The following DNAI4 variants were observed in gnomAD, a reference collection of about 807,000 sequenced individuals.
The protein encoded by DNAI4 is dynein axonemal intermediate chain 4.
In DNAI4, 85 loss-of-function variants were observed where a neutral mutation model predicts 105.8. The observed-to-expected ratio is 0.80, with a 90% confidence interval of 0.67 to 0.96. The LOEUF (loss-of-function observed/expected upper bound fraction) is 0.96. DNAI4 is among the 40% of genes least tolerant of loss of function. The pLI is 0.00. For synonymous variants in DNAI4, 352 were observed against 331.5 expected (o/e 1.06, Z -0.67); for missense variants, 1,014 against 1,005.6 (o/e 1.01, Z -0.11).
intron 7 of DNAI4, among the ~76,000 whole-genome samples, chr1:66,856,659 A>G (rs1256858860): frequency 2.0e-5 from 3 of 152,084 alleles, no homozygotes; most frequent in South Asian, 2.1e-4. Context: ...AAGGAATTAA[A>G]TTAGAATTAA....
chr1:66,856,979 G>GAAATCAATGACATCAA (rs1553218434), intron 7 of DNAI4, among the ~76,000 whole-genome samples: 2 of 151,846 alleles, frequency 1.3e-5, no homozygotes, highest in East Asian at 3.9e-4. Flanking sequence ...AGAAAAGTTT[G>GAAATCAATGACATCAA]AAATCAATGA....
Position 66,840,540 on chromosome 1 carries a change from G to A in DNAI4, c.1423C>T (p.Leu475Phe). The change falls in exon 9 of 17, where the codon CTT becomes TTT. Residue 475 changes from leucine to phenylalanine, a missense_variant. Leu to Phe is a conservative substitution (Grantham distance 22). Coordinates refer to ENST00000371026, the MANE Select transcript of DNAI4 (RefSeq NM_024763.5). ...ESTIPANLER[L>F]WSFSCDLTKG... ...GTTAAGTCACAGGAAAAAGACCAAA[G>A]TCGTTCCAAGTTGGCGGGTATTGTT... is the stretch of plus-strand genomic sequence containing the variant. The A allele has an allele frequency of 6.2e-7, 1 of 1,614,214 alleles. No homozygotes were observed. Among genetic ancestry groups the A allele is most frequent in the Admixed American group, 1.7e-5 (1 of 60,026 alleles).
At chr1:66,913,950 C>T (rs1649865790) in intron 1 of DNAI4, among the ~76,000 whole-genome samples, 1 of 149,664 alleles carries the variant, frequency 6.7e-6, no homozygotes, top group Admixed American at 6.7e-5. Flanking sequence ...CGCCACTGCA[C>T]TCCAGCCTGG....
chr1:66,824,506 G>T (rs1645707156), intron 15 of DNAI4, among the ~76,000 whole-genome samples: 1 of 151,946 alleles, frequency 6.6e-6, no homozygotes, highest in African/African-American at 2.4e-5. Flanking sequence ...GGGCAGTATG[G>T]CCATTTTCTC....
intron 9 of DNAI4, among the ~76,000 whole-genome samples, chr1:66,838,646 A>G (rs1247578903): frequency 6.6e-6 from 1 of 152,218 alleles, no homozygotes; most frequent in Non-Finnish European, 1.5e-5. Flanking sequence ...TAATTTTAGA[A>G]TATTATATTT....
intron 4 of DNAI4, among the ~76,000 whole-genome samples, chr1:66,886,689 T>C (rs985494909): frequency 6.6e-6 from 1 of 152,162 alleles, no homozygotes; most frequent in Non-Finnish European, 1.5e-5. Context: ...ACAATCTGAT[T>C]GAGTCTCAGA....
chr1:66,893,105 G>GAA (rs748703559), intron 3 of DNAI4, 124 bp downstream of exon 3: 12 of 466,646 alleles, frequency 2.6e-5, no homozygotes, highest in Admixed American at 3.9e-5. Flanking sequence ...AAGAAAGAAA[G>GAA]AAAGAAAGAA....
rs1434271487 is a variant in DNAI4 at position 66,893,330 on chromosome 1, T to G, written c.429A>C (p.Lys143Asn). The G allele has an allele frequency of 6.2e-7, 1 of 1,610,114 alleles. No individual in the cohort carries two copies. Among genetic ancestry groups the G allele is most frequent in the South Asian group, 1.1e-5 (1 of 90,510 alleles). ...DPLTGTAKPS[K>N]LLTSQEGSLG... Reference sequence around the variant, plus strand: ...GTGATCCTTCTTGTGATGTCAAGAGTTTACTTGGTTTTGCTGTACCAGTAA... The same window carrying G: ...GTGATCCTTCTTGTGATGTCAAGAGGTTACTTGGTTTTGCTGTACCAGTAA... The change falls in exon 3 of 17, where the codon AAA becomes AAC. Residue 143 changes from lysine (K) to asparagine (N), a missense_variant. Transcript: ENST00000371026.
intron 2 of DNAI4, among the ~76,000 whole-genome samples, chr1:66,901,191 C>A (rs1327211152): frequency 6.6e-6 from 1 of 152,060 alleles, no homozygotes; most frequent in Non-Finnish European, 1.5e-5. Context: ...TTCAATATTT[C>A]ATTAATTTCC....
intron 6 of DNAI4, among the ~76,000 whole-genome samples, chr1:66,868,211 C>A (rs1646772275): frequency 6.6e-6 from 1 of 152,168 alleles, no homozygotes. Context: ...AATTTTTCCA[C>A]ATATCTATGA....
intron 2 of DNAI4, among the ~76,000 whole-genome samples, chr1:66,896,454 T>C (rs946034646): frequency 2.0e-5 from 3 of 152,216 alleles, no homozygotes; most frequent in Admixed American, 6.5e-5. Flanking sequence ...GTATCCATTA[T>C]GATCCCTGCT....
intron 7 of DNAI4, among the ~76,000 whole-genome samples, chr1:66,854,079 C>T (rs1646450817): frequency 6.6e-6 from 1 of 152,104 alleles, no homozygotes; most frequent in South Asian, 2.1e-4. Context: ...TACCAATAAA[C>T]AGGTGGACAC....
chr1:66,814,322 G>T, intron 16 of DNAI4, 142 bp from the exon 17 acceptor site: 1 of 616,490 alleles, frequency 1.6e-6, no homozygotes, highest in East Asian at 2.9e-5. Context: ...GCAAAGGTAA[G>T]TTTAAACAGT....
At chr1:66,897,039 A>G (rs142250586) in intron 2 of DNAI4, among the ~76,000 whole-genome samples, 2 of 77,502 alleles carry the variant, frequency 2.6e-5, no homozygotes, top group East Asian at 7.8e-4. Flanking sequence ...GGCTCAGAAG[A>G]GCAGACTAGA....
intron 1 of DNAI4, among the ~76,000 whole-genome samples, chr1:66,921,980 A>G (rs1650522009): frequency 6.6e-6 from 1 of 150,414 alleles, no homozygotes; most frequent in South Asian, 2.1e-4. Context: ...TCACTACAAC[A>G]TCACCTTCCC....
intron 7 of DNAI4, among the ~76,000 whole-genome samples, chr1:66,859,064 A>T (rs1367670731): frequency 1.3e-5 from 2 of 152,212 alleles, no homozygotes; most frequent in African/African-American, 4.8e-5. Flanking sequence ...GAGAAGCCAT[A>T]GACTAGGAGA....
intron 13 of DNAI4, among the ~76,000 whole-genome samples, chr1:66,832,495 C>T (rs1645887034): frequency 6.6e-6 from 1 of 151,866 alleles, no homozygotes; most frequent in African/African-American, 2.4e-5. Flanking sequence ...ATAGAGAGTA[C>T]AAGGATGGTT....
intron 7 of DNAI4, among the ~76,000 whole-genome samples, chr1:66,853,426 G>T (rs1646437652): frequency 1.3e-5 from 2 of 152,250 alleles, no homozygotes; most frequent in South Asian, 4.1e-4. Context: ...AGGAACAAGT[G>T]GGCTCTATGG....
rs192983004 is a variant in DNAI4 at position 66,868,739 on chromosome 1, G to A, written c.940+2631C>T. 4.6e-5 allele frequency among the ~76,000 whole-genome samples: 7 copies of A among 152,068 alleles called. No homozygotes were observed. In the East Asian group the frequency reaches 1.2e-3, roughly 25 times the overall value. ...CTTCTCAGCCTCCATAATTACATAA[G>A]CCAATGCCCTGTAATAAATCGCTTT... On this transcript the variant is annotated intron_variant, in intron 6 of 16. Coordinates refer to ENST00000371026, the MANE Select transcript of DNAI4 (RefSeq NM_024763.5).
Sources: gnomAD v4.1 joint callset for allele counts (sites outside exome capture counted in the v4.1 genomes callset) on GRCh38, gnomAD v4.1.1 for gene constraint, MANE v1.5 for transcripts, NCBI Gene and HGNC (gene_info 2026-07-23, HGNC 2026-07-21) for gene names.